Variants in PEX3 observed in about 807,000 individuals in gnomAD.
PEX3 encodes the protein peroxin-3.
PEX3 carries 30 observed loss-of-function variants against 55.8 expected under a neutral mutation model. That is an observed-to-expected ratio of 0.54 (90% CI 0.40 to 0.73). PEX3 has a LOEUF of 0.73. PEX3 is among the 30% of genes least tolerant of loss of function. PEX3 has a pLI of 0.00. For synonymous variants in PEX3, 135 were observed against 148.4 expected (o/e 0.91, Z 0.66); for missense variants, 351 against 432.8 (o/e 0.81, Z 1.68).
intron 9 of PEX3, 118 bp from the exon 10 acceptor site, chr6:143,478,958 A>C: frequency 1.6e-6 from 1 of 611,464 alleles, no homozygotes; most frequent in Non-Finnish European, 3.0e-6. Flanking sequence ...TATATTTTAC[A>C]GTATTAGATT....
rs760431805 is a variant in PEX3, at chr6:143,482,559, T to A, written c.942-2593T>A. 6.6e-6 allele frequency among the ~76,000 whole-genome samples: 1 copy of A among 151,932 alleles called. No homozygotes were observed. Among genetic ancestry groups the A allele is most frequent in the Non-Finnish European group, 1.5e-5 (1 of 67,932 alleles). On this transcript the variant is annotated intron_variant, in intron 10 of 11. Coordinates refer to ENST00000367591, the MANE Select transcript of PEX3 (RefSeq NM_003630.3). The surrounding 1 kb of genome is among the most constrained non-coding windows in gnomAD (Gnocchi z 5.5). ...AAGGTAATATGGAGGAATAATGGAA[T>A]GAGAATGTTTAAGCAGTTATTGGAA...
rs760809438 is a variant in PEX3, at chr6:143,471,019, G to T, written c.390G>T (p.Arg130=). Residue 130 remains arginine, a synonymous_variant, in exon 5 of 12, where the codon CGG becomes CGT. Coordinates refer to ENST00000367591, the MANE Select transcript of PEX3 (RefSeq NM_003630.3). This position sits in a 1 kb window ranked among gnomAD's most constrained non-coding sequence, Gnocchi z 5.4. Reference sequence around the variant, plus strand: ...CCTGTATGCTGGTTGTTCTTTTGCGGGTCCAGTTAAACATAATTGGTGGAT... The same window carrying T: ...CCTGTATGCTGGTTGTTCTTTTGCGTGTCCAGTTAAACATAATTGGTGGAT... The part of the protein sequence containing the change: ...YSTCMLVVLL[R]VQLNIIGGYI... 2 of 1,612,774 alleles carry T rather than the reference G, an allele frequency of 1.2e-6. No individual in the cohort carries two copies. The highest frequency in any genetic ancestry group is 4.5e-5 in the East Asian group (2 of 44,780).
rs1287983025 is a variant in PEX3, at chr6:143,459,877, A to G, written c.205+661A>G. Among the ~76,000 whole-genome samples the G allele has an allele frequency of 1.3e-5, 2 of 152,224 alleles. No homozygotes were observed. Among genetic ancestry groups the G allele is most frequent in the Non-Finnish European group, 2.9e-5 (2 of 68,024 alleles). On this transcript the variant is annotated intron_variant, in intron 2 of 11. Transcript: ENST00000367591. The surrounding 1 kb of genome is among the most constrained non-coding windows in gnomAD (Gnocchi z 4.2). ...TATAGACCTGTGAGTCGTCCACAAT[A>G]GTATACACTCAGGCAATGTTAATTA...
chr6:143,451,817 A>C lies in PEX3; in HGVS notation c.73+702A>C, dbSNP rs1172227011. Among the ~76,000 whole-genome samples the C allele has an allele frequency of 6.6e-6, 1 of 152,222 alleles. No individual in the cohort carries two copies. Among genetic ancestry groups the C allele is most frequent in the Non-Finnish European group, 1.5e-5 (1 of 68,038 alleles). On this transcript the variant is annotated intron_variant, in intron 1 of 11. Coordinates refer to ENST00000367591, the MANE Select transcript of PEX3 (RefSeq NM_003630.3). This position sits in a 1 kb window ranked among gnomAD's most constrained non-coding sequence, Gnocchi z 4.1. Reference sequence around the variant, plus strand: ...GAGATTTAGAAACAGATAAGATAAAAATCTTGAGACGCTTTTCCCTCATAC... The same window carrying C: ...GAGATTTAGAAACAGATAAGATAAACATCTTGAGACGCTTTTCCCTCATAC...
chr6:143,456,586 C>T (rs1488103354), intron 1 of PEX3, among the ~76,000 whole-genome samples: 1 of 152,148 alleles, frequency 6.6e-6, no homozygotes, highest in East Asian at 1.9e-4. Flanking sequence ...TCTATTCCAA[C>T]CCTCTCACCA....
At chr6:143,474,989 G>A in intron 9 of PEX3, 133 bp downstream of exon 9, 1 of 547,754 alleles carries the variant, frequency 1.8e-6, no homozygotes, top group Non-Finnish European at 3.2e-6. Flanking sequence ...CTGTTCCCCA[G>A]CCTTTAGATA....
chr6:143,478,047 G>T (rs756738186), intron 9 of PEX3, among the ~76,000 whole-genome samples: 19 of 151,992 alleles, frequency 1.3e-4, no homozygotes, highest in Non-Finnish European at 1.8e-4. Flanking sequence ...CTAACAAAAG[G>T]ATAAAATCTG....
In PEX3 at chr6:143,453,446, G is replaced by A. The variant is rs556902150; in HGVS notation, c.73+2331G>A. 7.0e-4 allele frequency among the ~76,000 whole-genome samples: 106 copies of A among 152,012 alleles called. 1 individual carries two copies. The highest frequency in any genetic ancestry group is 1.5e-4 in the Non-Finnish European group (10 of 67,998). On this transcript the variant is annotated intron_variant, in intron 1 of 11. Transcript: ENST00000367591. The surrounding 1 kb of genome is among the most constrained non-coding windows in gnomAD (Gnocchi z 4.6). ...TTGGGTGGGTAACTAATTGGTTTAC[G>A]CGTTTGTATAATTTGACCAGTTTGG...
intron 4 of PEX3, among the ~76,000 whole-genome samples, chr6:143,469,410 G>A (rs1348039761): frequency 1.3e-5 from 2 of 152,118 alleles, no homozygotes; most frequent in Non-Finnish European, 2.9e-5. Flanking sequence ...TTTGATTTGC[G>A]TTTCTCTGAT....
At position 143,483,472 on chromosome 6, in the gene PEX3, T is replaced by C. The variant is rs1377495121; in HGVS notation, c.942-1680T>C. 1.3e-5 allele frequency among the ~76,000 whole-genome samples: 2 copies of C among 152,152 alleles called. No individual in the cohort carries two copies. The highest frequency in any genetic ancestry group is 3.8e-4 in the East Asian group (2 of 5,198). ...GACAGTTGACATTCTGGGCAGAAGC[T>C]ACAGGGCAAAGGTTTTGAAGCCACC... On this transcript the variant is annotated intron_variant, in intron 10 of 11. Coordinates refer to ENST00000367591, the MANE Select transcript of PEX3 (RefSeq NM_003630.3). This position sits in a 1 kb window ranked among gnomAD's most constrained non-coding sequence, Gnocchi z 4.3.
chr6:143,453,391 C>T lies in PEX3; in HGVS notation c.73+2276C>T, dbSNP rs1341077982. Among the ~76,000 whole-genome samples the T allele has an allele frequency of 6.6e-6, 1 of 152,152 alleles. No individual in the cohort carries two copies. The highest frequency in any genetic ancestry group is 2.4e-5 in the African/African-American group (1 of 41,450). ...AGTAAAACCTTGAGTAGCAGGCCTT[C>T]TTAAGTAACAATTTCTGTTTCCTCA... is the stretch of plus-strand genomic sequence containing the variant. On this transcript the variant is annotated intron_variant, in intron 1 of 11. Coordinates refer to ENST00000367591, the MANE Select transcript of PEX3 (RefSeq NM_003630.3). This position sits in a 1 kb window ranked among gnomAD's most constrained non-coding sequence, Gnocchi z 4.6.
rs1216976915 is a variant in PEX3, at chr6:143,454,684, G to A, written c.73+3569G>A. On this transcript the variant is annotated intron_variant, in intron 1 of 11. Transcript: ENST00000367591. The surrounding 1 kb of genome is among the most constrained non-coding windows in gnomAD (Gnocchi z 4.3). The stretch of plus-strand genomic sequence containing the variant: ...TAGTACAAAAATAGAGCAGGGTGTT[G>A]TGGGAGCATTGATGAGAAGAAAGTG... Among the ~76,000 whole-genome samples, 1 of 152,224 alleles carries A rather than the reference G, an allele frequency of 6.6e-6. No homozygotes were observed. Among genetic ancestry groups the A allele is most frequent in the African/African-American group, 2.4e-5 (1 of 41,450 alleles).
chr6:143,474,699 AAACTCTTTATTTATGAATG>A, intron 8 of PEX3, 68 bp from the exon 9 acceptor site: 1 of 809,046 alleles, frequency 1.2e-6, no homozygotes. Context: ...TAGATTTCCT[AAACTCTTTATTTATGAATG>A]TGATTAGTTT....
chr6:143,480,991 G>A (rs890926787), intron 10 of PEX3, among the ~76,000 whole-genome samples: 1 of 152,072 alleles, frequency 6.6e-6, no homozygotes, highest in Non-Finnish European at 1.5e-5. Context: ...CATCCTGGGC[G>A]AGGGAGTGAG....
rs1048711397 is a variant in PEX3 at position 143,467,867 on chromosome 6, A to G, written c.288-255A>G. 8.5e-5 allele frequency among the ~76,000 whole-genome samples: 13 copies of G among 152,174 alleles called. 1 individual carries two copies. The highest frequency in any genetic ancestry group is 1.5e-4 in the Non-Finnish European group (10 of 68,012). On this transcript the variant is annotated intron_variant, in intron 3 of 11. Transcript: ENST00000367591. ...AAGAAATATTTCCTCTGCATTTCCT[A>G]TATGATTTTGTAATCTATCTATACA...
At chr6:143,484,146 CTA>C (rs1335530518) in intron 10 of PEX3, among the ~76,000 whole-genome samples, 1 of 152,120 alleles carries the variant, frequency 6.6e-6, no homozygotes, top group Non-Finnish European at 1.5e-5. Context: ...TGTAATAAGA[CTA>C]AATCTACAAC....
In PEX3 at chr6:143,458,945, C is replaced by G; in HGVS notation, c.74-140C>G. On this transcript the variant is annotated intron_variant, in intron 1 of 11. Transcript: ENST00000367591. This position sits in a 1 kb window ranked among gnomAD's most constrained non-coding sequence, Gnocchi z 6.1. ...TTTCCTTTTCTTTGGGCCAATCTTACAAAATTCTTTATTTAGGTTTTAAAA... is the reference window on the plus strand; with the variant it reads ...TTTCCTTTTCTTTGGGCCAATCTTAGAAAATTCTTTATTTAGGTTTTAAAA... The G allele has an allele frequency of 1.6e-6, 1 of 609,566 alleles. No individual in the cohort carries two copies. 37.8% of individuals were successfully genotyped at this position (609,566 alleles called of 1,614,324 possible).
In PEX3 at chr6:143,476,403, A is replaced by C. The variant is rs1160924778; in HGVS notation, c.818+1547A>C. On this transcript the variant is annotated intron_variant, in intron 9 of 11. Coordinates refer to ENST00000367591, the MANE Select transcript of PEX3 (RefSeq NM_003630.3). This position sits in a 1 kb window ranked among gnomAD's most constrained non-coding sequence, Gnocchi z 5.4. ...TTAATGTATGGGAAGCCATTGGAGA[A>C]TTTTAAGCAGGGCAGTGACATCATC... is the stretch of plus-strand genomic sequence containing the variant. Among the ~76,000 whole-genome samples, 2 of 152,220 alleles carry C rather than the reference A, an allele frequency of 1.3e-5. No homozygotes were observed. The highest frequency in any genetic ancestry group is 4.8e-5 in the African/African-American group (2 of 41,460).
At chr6:143,472,368 A>G (rs769517542) in intron 8 of PEX3, 40 bp downstream of exon 8, 2 of 1,447,194 alleles carry the variant, frequency 1.4e-6, no homozygotes, top group South Asian at 2.3e-5. Context: ...CAGTTACTCT[A>G]TTCTTTTAAA....
Sources: gnomAD v4.1 joint callset for allele counts (sites outside exome capture counted in the v4.1 genomes callset) on GRCh38, gnomAD v4.1.1 for gene constraint, Gnocchi (gnomAD v3.1) non-coding constraint, MANE v1.5 for transcripts, NCBI Gene and HGNC (gene_info 2026-07-23, HGNC 2026-07-21) for gene names.